Variants in ARHGAP32 observed in about 807,000 individuals in gnomAD.
The protein encoded by ARHGAP32 is Rho GTPase activating protein 32.
ARHGAP32 carries 51 observed loss-of-function variants against 186.5 expected under a neutral mutation model. The ratio of observed to expected loss-of-function variants is 0.27; its 90% CI spans 0.22 to 0.35. The LOEUF (loss-of-function observed/expected upper bound fraction) is 0.35. Among genes scored for constraint, ARHGAP32 ranks in the 10% least tolerant of loss-of-function variants. The pLI is 1.00. For missense variants in ARHGAP32, 2,186 were observed against 2,623.5 expected, an observed-to-expected ratio of 0.83 and a Z score of 3.64; for synonymous variants, 950 against 964.3, an observed-to-expected ratio of 0.99 and a Z score of 0.27.
intron 1 of ARHGAP32, among the ~76,000 whole-genome samples, chr11:129,212,141 C>T (rs1944588962): frequency 6.6e-6 from 1 of 152,032 alleles, no homozygotes; most frequent in Admixed American, 6.6e-5. Flanking sequence ...GGTGACAGAG[C>T]AAGACCCTGT....
At chr11:129,112,146 G>A (rs1456452350) in intron 5 of ARHGAP32, among the ~76,000 whole-genome samples, 1 of 152,002 alleles carries the variant, frequency 6.6e-6, no homozygotes, top group African/African-American at 2.4e-5. Flanking sequence ...GGGAGGCTGA[G>A]ACAGGAGAAT....
chr11:129,265,420 TG>T (rs1374342959), intron 1 of ARHGAP32, among the ~76,000 whole-genome samples: 1 of 152,224 alleles, frequency 6.6e-6, no homozygotes, highest in Admixed American at 6.5e-5. Context: ...TTACTCTAAA[TG>T]TTAAGAATAT....
chr11:129,000,766 C>CA (rs1322993090), intron 11 of ARHGAP32, among the ~76,000 whole-genome samples: 11 of 152,216 alleles, frequency 7.2e-5, no homozygotes, highest in Admixed American at 3.3e-4. Flanking sequence ...CCCACCCCCC[C>CA]ACCATTGGCT....
At chr11:128,998,287 T>A (rs371555312) in intron 12 of ARHGAP32, 32 bp downstream of exon 12, 19 of 1,484,634 alleles carry the variant, frequency 1.3e-5, no homozygotes, top group Non-Finnish European at 1.7e-5. Context: ...GGTCAGAAAC[T>A]CAGAGTATAA....
chr11:129,258,762 C>A (rs1427726156), intron 1 of ARHGAP32, among the ~76,000 whole-genome samples: 2 of 152,172 alleles, frequency 1.3e-5, no homozygotes. Flanking sequence ...CTATGATGAA[C>A]AAATTCTCCA....
chr11:129,008,057 C>T (rs1362761750), intron 11 of ARHGAP32, among the ~76,000 whole-genome samples: 1 of 152,112 alleles, frequency 6.6e-6, no homozygotes, highest in Non-Finnish European at 1.5e-5. Flanking sequence ...AGAGAGAGCA[C>T]AGATTCTCTC....
chr11:129,166,065 A>G (rs945217468), intron 1 of ARHGAP32, among the ~76,000 whole-genome samples: 4 of 152,214 alleles, frequency 2.6e-5, no homozygotes, highest in Non-Finnish European at 1.5e-5. Context: ...TCAAATGTTC[A>G]TTTTAAAACT....
At chr11:129,008,645 A>C (rs1434934369) in intron 11 of ARHGAP32, among the ~76,000 whole-genome samples, 1 of 152,206 alleles carries the variant, frequency 6.6e-6, no homozygotes, top group African/African-American at 2.4e-5. Context: ...CTAGACCGTA[A>C]CACAGATTAA....
chr11:129,187,242 G>C (rs1472061757), intron 1 of ARHGAP32, among the ~76,000 whole-genome samples: 1 of 152,156 alleles, frequency 6.6e-6, no homozygotes, highest in Non-Finnish European at 1.5e-5. Context: ...AGGTCATTAT[G>C]TTAAGTGAAA....
Position 128,972,457 on chromosome 11 carries a change from T to C in ARHGAP32, c.4049A>G (p.His1350Arg). Reference protein sequence around the residue: ...AATNIGLNNSHKVQGVVPVPE... With the variant: ...AATNIGLNNSRKVQGVVPVPE... ...CTGATATCTTCCCCTTCTTACCTTGTGGGAATTATTTAATCCTATATTGGT... is the reference window on the plus strand; with the variant it reads ...CTGATATCTTCCCCTTCTTACCTTGCGGGAATTATTTAATCCTATATTGGT... Residue 1350 changes from histidine (H) to arginine (R), a missense_variant, in exon 22 of 23, where the codon CAC becomes CGC. By Grantham distance (29) the His-to-Arg change is conservative. Around this residue, in one of 5 missense-constraint regions of ARHGAP32, gnomAD observed 1,502 missense variants for 1,570.0 expected, o/e 0.96. Coordinates refer to ENST00000682385, the MANE Select transcript of ARHGAP32 (RefSeq NM_001378024.1). 1 of 1,511,462 alleles carries C rather than the reference T, an allele frequency of 6.6e-7. No homozygotes were observed. The highest frequency in any genetic ancestry group is 1.4e-5 in the South Asian group (1 of 73,520). 93.6% of individuals were successfully genotyped at this position (1,511,462 alleles called of 1,614,324 possible). A position where few individuals can be genotyped will look rare whatever the true frequency, so the allele number is the denominator to read the frequency against.
At position 128,966,518 on chromosome 11, in the gene ARHGAP32, G is replaced by A. The variant is rs1250541159; in HGVS notation, c.*2389C>T. On this transcript the variant is annotated 3_prime_UTR_variant, in exon 23 of 23. Transcript: ENST00000682385. ...GATCTGAAGTTTGTGTTTCACGCTT[G>A]TAACAGTAATTGCAATCATCATTCT... 1 of 152,186 alleles carries A rather than the reference G, an allele frequency of 6.6e-6. No homozygotes were observed. The highest frequency in any genetic ancestry group is 1.5e-5 in the Non-Finnish European group (1 of 68,038). The allele number at this position is 152,186 out of a possible 1,614,324, so 9.4% of individuals were successfully genotyped here.
intron 19 of ARHGAP32, among the ~76,000 whole-genome samples, chr11:128,978,068 A>C (rs1945600499): frequency 6.6e-6 from 1 of 151,788 alleles, no homozygotes; most frequent in African/African-American, 2.4e-5. Context: ...ACTTTCTCAC[A>C]CGTATGACTT....
rs1020532551 is a variant in ARHGAP32, at chr11:128,988,223, A to C, written c.1196-98T>G. ...TGTCTTAGTTTACAAAAGTAAAATA[A>C]AATTTGTAAATTAAAGTTAAAAGGA... On this transcript the variant is annotated intron_variant, in intron 12 of 22. Coordinates refer to ENST00000682385, the MANE Select transcript of ARHGAP32 (RefSeq NM_001378024.1). 4.5e-6 allele frequency: 4 copies of C among 892,892 alleles called. No homozygotes were observed. In the African/African-American group the frequency reaches 6.7e-5, roughly 15 times the overall value. The allele number at this position is 892,892 out of a possible 1,614,324, so 55.3% of individuals were successfully genotyped here. A position where few individuals can be genotyped will look rare whatever the true frequency, so the allele number is the denominator to read the frequency against.
chr11:129,032,202 A>C (rs759260052), intron 11 of ARHGAP32, among the ~76,000 whole-genome samples: 18 of 152,358 alleles, frequency 1.2e-4, no homozygotes, highest in South Asian at 6.2e-4. Flanking sequence ...GTAAAAGAGC[A>C]CACTGTAACA....
chr11:129,093,108 G>A (rs1050926349), intron 6 of ARHGAP32, among the ~76,000 whole-genome samples: 3 of 151,970 alleles, frequency 2.0e-5, no homozygotes, highest in African/African-American at 4.8e-5. Context: ...TTGTTACACC[G>A]AAGAGAAACT....
chr11:128,978,684 G>C (rs1945622222), intron 19 of ARHGAP32, 86 bp downstream of exon 19: 3 of 1,384,816 alleles, frequency 2.2e-6, no homozygotes, highest in Non-Finnish European at 2.9e-6. Context: ...TATGGAAGCA[G>C]ATCATAACAA....
chr11:129,028,494 C>T (rs1208040598), intron 11 of ARHGAP32, among the ~76,000 whole-genome samples: 1 of 152,116 alleles, frequency 6.6e-6, no homozygotes, highest in Non-Finnish European at 1.5e-5. Flanking sequence ...CTAATTCTGG[C>T]ATAGAGGGAG....
intron 1 of ARHGAP32, among the ~76,000 whole-genome samples, chr11:129,165,177 A>G (rs949148834): frequency 6.6e-6 from 1 of 152,164 alleles, no homozygotes; most frequent in African/African-American, 2.4e-5. Context: ...AAAGAGAAAG[A>G]GCCCAGAAAT....
intron 12 of ARHGAP32, among the ~76,000 whole-genome samples, chr11:128,995,680 A>T (rs987297683): frequency 1.8e-4 from 27 of 152,320 alleles, no homozygotes; most frequent in African/African-American, 6.5e-4. Flanking sequence ...CTCTACAAAA[A>T]ATACAAAAAT....
Sources: allele counts gnomAD v4.1 joint callset (sites outside exome capture counted in the v4.1 genomes callset), GRCh38; gene constraint gnomAD v4.1.1; regional missense constraint gnomAD v4.1.1; transcripts MANE v1.5; gene names NCBI Gene and HGNC (gene_info 2026-07-23, HGNC 2026-07-21).